RELN: variants seen among roughly 807,000 people sequenced by gnomAD.
RELN encodes reelin.
Under a neutral mutation model 427.6 loss-of-function variants are expected in RELN, and 108 were observed. The ratio of observed to expected loss-of-function variants is 0.25; its 90% CI spans 0.22 to 0.30. RELN has a LOEUF of 0.30. Among genes scored for constraint, RELN ranks in the 10% least tolerant of loss-of-function variants. The pLI is 1.00. For synonymous variants in RELN, 1,524 were observed against 1,513.4 expected (o/e 1.01, Z -0.16); for missense variants, 3,715 against 4,302.8 (o/e 0.86, Z 3.82).
At chr7:103,962,645 GTTGTGT>G (rs1796581223) in intron 1 of RELN, among the ~76,000 whole-genome samples, 1 of 81,018 alleles carries the variant, frequency 1.2e-5, no homozygotes, top group East Asian at 2.9e-4. Context: ...TTCCAAAGTT[GTTGTGT>G]GTGTGTGTGT....
rs1831477088 is a variant in RELN at position 103,593,863 on chromosome 7, G to A, written c.3731C>T (p.Ala1244Val). 6.2e-7 allele frequency: 1 copy of A among 1,613,370 alleles called. No homozygotes were observed. The highest frequency in any genetic ancestry group is 8.5e-7 in the Non-Finnish European group (1 of 1,179,592). ...CATCTGATTCATAGGGTAATCAAAA[G>A]CTGGCTTCTCATAAAAGTTCTAATA... ...TLPQNFYEKP[A>V]FDYPMNQMSV... Residue 1244 changes from alanine to valine, a missense_variant, in exon 27 of 65, where the codon GCT becomes GTT. Physicochemically the swap from Ala to Val is moderately conservative, Grantham distance 64. Transcript: ENST00000428762.
At chr7:103,713,418 G>C (rs1311852072) in intron 8 of RELN, among the ~76,000 whole-genome samples, 2 of 152,156 alleles carry the variant, frequency 1.3e-5, no homozygotes, top group African/African-American at 2.4e-5. Context: ...TAGATTAATG[G>C]AGAACAGGAC....
At chr7:103,740,271 G>C (rs576481977) in intron 6 of RELN, among the ~76,000 whole-genome samples, 1 of 152,198 alleles carries the variant, frequency 6.6e-6, no homozygotes, top group Non-Finnish European at 1.5e-5. Context: ...TGATACTCAA[G>C]TTTCTGGACA....
At chr7:103,928,378 T>G (rs536884225) in intron 1 of RELN, among the ~76,000 whole-genome samples, 1 of 152,350 alleles carries the variant, frequency 6.6e-6, no homozygotes, top group African/African-American at 2.4e-5. Flanking sequence ...CTGAGAAGCT[T>G]TTTAAAATTC....
intron 1 of RELN, among the ~76,000 whole-genome samples, chr7:103,945,363 T>G (rs143618625): frequency 6.6e-6 from 1 of 152,196 alleles, no homozygotes; most frequent in African/African-American, 2.4e-5. Flanking sequence ...TCTCTAGGCC[T>G]CTCAGACACT....
chr7:103,545,586 TC>T (rs1223606082), intron 41 of RELN, among the ~76,000 whole-genome samples: 2 of 152,248 alleles, frequency 1.3e-5, no homozygotes, highest in East Asian at 3.9e-4. Context: ...CACTTGATCT[TC>T]CCATCTTTTT....
chr7:103,872,030 A>ATTTTTTTT (rs1554434458), intron 2 of RELN, among the ~76,000 whole-genome samples: 5,931 of 138,210 alleles, frequency 0.043, 126 homozygotes, highest in Admixed American at 0.053. Context: ...ATATATATAT[A>ATTTTTTTT]TTTTTCTTTT....
rs765398068 is a variant in RELN, at chr7:103,594,393, T to C, written c.3639A>G (p.Ala1213=). 4.1e-5 allele frequency: 66 copies of C among 1,613,974 alleles called. No individual in the cohort carries two copies. The highest frequency in any genetic ancestry group is 5.4e-5 in the Non-Finnish European group (64 of 1,179,952). Residue 1213 remains alanine (A), a synonymous_variant, in exon 26 of 65, where the codon GCA becomes GCG. Coordinates refer to ENST00000428762, the MANE Select transcript of RELN (RefSeq NM_005045.4). ...VFSGEDYDQW[A]VDDIIILSEK... ...CGGACAGAATGATGATGTCATCGAC[T>C]GCCCACTGGTCATAGTCCTCCCCTG...
chr7:103,690,406 C>A (rs546898212), intron 10 of RELN, among the ~76,000 whole-genome samples: 1 of 152,044 alleles, frequency 6.6e-6, no homozygotes. Context: ...GAAGAATGTG[C>A]CTTTCGTTCT....
Position 103,636,399 on chromosome 7 carries a change from T to G in RELN, c.2139A>C (p.Glu713Asp). Residue 713 changes from glutamate (E) to aspartate (D), a missense_variant, in exon 18 of 65, where the codon GAA becomes GAC. By Grantham distance (45) the Glu-to-Asp change is conservative (BLOSUM62 2). Around this residue, in one of 4 missense-constraint regions of RELN, gnomAD observed 2,208 missense variants for 2,361.7 expected, o/e 0.93. Coordinates refer to ENST00000428762, the MANE Select transcript of RELN (RefSeq NM_005045.4). Reference protein sequence around the residue: ...ASQTFPMFISESFGSSRLSSY... With the variant: ...ASQTFPMFISDSFGSSRLSSY... ...AGGAGAGCCTGGAACTGCCAAAGCTTTCAGAAATAAACATTGGGAATGTCT... is the reference window on the plus strand; with the variant it reads ...AGGAGAGCCTGGAACTGCCAAAGCTGTCAGAAATAAACATTGGGAATGTCT... The G allele has an allele frequency of 6.2e-7, 1 of 1,613,996 alleles. No individual in the cohort carries two copies.
intron 3 of RELN, among the ~76,000 whole-genome samples, chr7:103,808,228 A>G (rs1191488715): frequency 1.4e-5 from 2 of 145,228 alleles, no homozygotes; most frequent in South Asian, 2.3e-4. Flanking sequence ...ACATGGACAC[A>G]GGAAGGGGAA....
chr7:103,711,523 CTT>C (rs1456480903), intron 8 of RELN, among the ~76,000 whole-genome samples: 1 of 152,110 alleles, frequency 6.6e-6, no homozygotes, highest in Non-Finnish European at 1.5e-5. Flanking sequence ...GAGAATAAGA[CTT>C]TGAAATTTTT....
rs144002514 is a variant in RELN, at chr7:103,641,601, A to G, written c.2003-992T>C. ...CTCAGGAAATTCTGATAAGTAATTT[A>G]TCCTGTCTAACCCTCAATATTCCTA... On this transcript the variant is annotated intron_variant, in intron 16 of 64. Transcript: ENST00000428762. Among the ~76,000 whole-genome samples the G allele has an allele frequency of 7.0e-4, 107 of 152,330 alleles. 1 individual carries two copies. The highest frequency in any genetic ancestry group is 2.3e-3 in the African/African-American group (96 of 41,586).
intron 8 of RELN, among the ~76,000 whole-genome samples, chr7:103,707,874 C>T (rs1834240456): frequency 1.3e-5 from 2 of 152,104 alleles, no homozygotes; most frequent in African/African-American, 2.4e-5. Context: ...TCTAAAGTTA[C>T]AATTTTACCA....
rs1832670087 is a variant in RELN at position 103,640,267 on chromosome 7, G to A, written c.2069+276C>T. ...GTTTATGGAAAAGGATGTAACTACA[G>A]GCAGGAAAGGCAGCCATCAAGCTGT... is the stretch of plus-strand genomic sequence containing the variant. On this transcript the variant is annotated intron_variant, in intron 17 of 64. Transcript: ENST00000428762. The surrounding 1 kb of genome is among the most constrained non-coding windows in gnomAD (Gnocchi z 4.1). Among the ~76,000 whole-genome samples, 1 of 152,088 alleles carries A rather than the reference G, an allele frequency of 6.6e-6. No homozygotes were observed. Among genetic ancestry groups the A allele is most frequent in the African/African-American group, 2.4e-5 (1 of 41,418 alleles).
At chr7:103,473,813 A>G (rs755909593) in intron 64 of RELN, among the ~76,000 whole-genome samples, 18 of 152,196 alleles carry the variant, frequency 1.2e-4, no homozygotes, top group Non-Finnish European at 1.8e-4. Flanking sequence ...CTGAGTGACA[A>G]TATATCCATA....
chr7:103,634,050 T>C (rs1030677811), intron 19 of RELN, among the ~76,000 whole-genome samples: 4 of 152,126 alleles, frequency 2.6e-5, no homozygotes, highest in Non-Finnish European at 4.4e-5. Context: ...TGTTACATGC[T>C]ACTTCATTTT....
At position 103,630,007 on chromosome 7, in the gene RELN, C is replaced by T; in HGVS notation, c.2635G>A (p.Val879Ile). Residue 879 changes from valine to isoleucine, a missense_variant, in exon 20 of 65, where the codon GTC becomes ATC. Physicochemically the swap from Val to Ile is conservative, Grantham distance 29. Coordinates refer to ENST00000428762, the MANE Select transcript of RELN (RefSeq NM_005045.4). ...ISLDFTNLVEVTQSLGFYLGN... is the reference protein window; with the variant it reads ...ISLDFTNLVEITQSLGFYLGN... ...AGGTAGAATCCCAGAGACTGAGTGA[C>T]CTCCACAAGATTGGTAAAGTCAAGA... The T allele has an allele frequency of 6.2e-7, 1 of 1,613,878 alleles. No homozygotes were observed.
At chr7:103,518,327 CTTTTTTTT>C (rs767194919) in intron 49 of RELN, among the ~76,000 whole-genome samples, 1 of 106,498 alleles carries the variant, frequency 9.4e-6, no homozygotes, top group Non-Finnish European at 1.8e-5. Context: ...TCTACGTTTC[CTTTTTTTT>C]TTTTTTTTTT....
Sources: allele counts gnomAD v4.1 joint callset (sites outside exome capture counted in the v4.1 genomes callset), GRCh38; gene constraint gnomAD v4.1.1; regional missense constraint gnomAD v4.1.1; non-coding constraint Gnocchi (gnomAD v3.1); transcripts MANE v1.5; gene names NCBI Gene and HGNC (gene_info 2026-07-23, HGNC 2026-07-21).